FAM90A20: variants seen among roughly 807,000 people sequenced by gnomAD.
FAM90A20 encodes protein FAM90A20.
At chr8:7,295,641 A>G in the FAM90A20 span, 1 of 674,026 alleles carries the variant, frequency 1.5e-6, no homozygotes, top group East Asian at 2.8e-5. Flanking sequence ...CTCAAGTGCA[A>G]AAACTGCGGG....
chr8:7,296,429 A>G, the FAM90A20 span: 6 of 723,318 alleles, frequency 8.3e-6, 2 homozygotes, highest in Non-Finnish European at 1.5e-5. Context: ...TGGTCCTTTT[A>G]TCCTCTAGGT....
At chr8:7,297,739 G>A in the FAM90A20 span, 1 of 1,491,938 alleles carries the variant, frequency 6.7e-7, no homozygotes, top group Admixed American at 1.7e-5. Flanking sequence ...GACCTTGCCT[G>A]CCTACTGCCC....
At chr8:7,296,714 A>T in the FAM90A20 span, among the ~76,000 whole-genome samples, 25 of 135,776 alleles carry the variant, frequency 1.8e-4, 2 homozygotes, top group Non-Finnish European at 1.5e-5. Flanking sequence ...GTGTTCATAG[A>T]AGACGTCCCG....
At chr8:7,297,020 A>C in the FAM90A20 span, 6 of 1,443,528 alleles carry the variant, frequency 4.2e-6, 1 homozygote, top group Admixed American at 7.9e-5. Flanking sequence ...TGTTGGCTCC[A>C]TGCTGAGGAA....
chr8:7,295,584 C>T, the FAM90A20 span: 2 of 667,438 alleles, frequency 3.0e-6, 1 homozygote. Flanking sequence ...GGATCGCTGC[C>T]TGTGGCTTCA....
At chr8:7,296,640 G>C in the FAM90A20 span, among the ~76,000 whole-genome samples, 2 of 135,202 alleles carry the variant, frequency 1.5e-5, no homozygotes, top group South Asian at 2.2e-4. Flanking sequence ...GTTCCTAGCG[G>C]CATGAGGAAA....
the FAM90A20 span, among the ~76,000 whole-genome samples, chr8:7,296,555 G>C: frequency 7.6e-4 from 103 of 135,748 alleles, 34 homozygotes; most frequent in African/African-American, 3.5e-3. Context: ...TTTGATTCCA[G>C]GCGAAGTCAT....
the FAM90A20 span, chr8:7,296,174 C>T: frequency 3.1e-6 from 2 of 644,618 alleles, no homozygotes; most frequent in Non-Finnish European, 2.8e-6. Context: ...GGAAAGGGCA[C>T]CAGATTTCCA....
chr8:7,295,629 A>C, the FAM90A20 span: 2 of 655,452 alleles, frequency 3.1e-6, no homozygotes, highest in South Asian at 2.9e-5. Flanking sequence ...TTCCACCCAC[A>C]GCTCAAGTGC....
the FAM90A20 span, chr8:7,297,072 G>A: frequency 9.3e-6 from 14 of 1,505,024 alleles, 2 homozygotes; most frequent in Non-Finnish European, 1.2e-5. Flanking sequence ...GTTGCAAGGG[G>A]GCCAATGCCG....
the FAM90A20 span, chr8:7,297,041 G>A: frequency 4.1e-6 from 6 of 1,476,042 alleles, no homozygotes; most frequent in African/African-American, 9.9e-5. Context: ...CTTCTAACCT[G>A]TGTTGTTTCC....
At chr8:7,295,695 G>A in the FAM90A20 span, 3 of 721,880 alleles carry the variant, frequency 4.2e-6, 1 homozygote, top group Middle Eastern at 3.7e-4. Flanking sequence ...CCCATGAAGT[G>A]CTGGAAGGCA....
At chr8:7,295,648 CG>C in the FAM90A20 span, 2 of 685,364 alleles carry the variant, frequency 2.9e-6, 1 homozygote, top group Non-Finnish European at 5.1e-6. Context: ...GCAAAAACTG[CG>C]GGGCCTTTGG....
the FAM90A20 span, chr8:7,297,902 G>C: frequency 1.4e-6 from 1 of 738,934 alleles, no homozygotes; most frequent in Non-Finnish European, 2.3e-6. Context: ...AGCCTTCCTC[G>C]CTCAGAGCCC....
the FAM90A20 span, chr8:7,296,514 G>T: frequency 4.7e-6 from 3 of 639,340 alleles, no homozygotes; most frequent in South Asian, 1.5e-5. Context: ...GTCTTCTTGG[G>T]GTCAGGGCCT....
chr8:7,297,529 T>A, the FAM90A20 span: 5 of 1,513,774 alleles, frequency 3.3e-6, 1 homozygote, highest in Non-Finnish European at 4.5e-6. Flanking sequence ...CGATTCAGGC[T>A]TGCCTGAACT....
the FAM90A20 span, chr8:7,297,461 T>G: frequency 6.5e-7 from 1 of 1,549,746 alleles, no homozygotes; most frequent in East Asian, 2.2e-5. Flanking sequence ...CACACACAGC[T>G]TGGGCCTAGG....
chr8:7,297,689 G>C, the FAM90A20 span: 1 of 1,406,120 alleles, frequency 7.1e-7, no homozygotes, highest in Non-Finnish European at 9.7e-7. Context: ...GAGGACACCG[G>C]CCCAGGTGCC....
the FAM90A20 span, among the ~76,000 whole-genome samples, chr8:7,296,695 A>T: frequency 1.5e-5 from 2 of 135,704 alleles, 1 homozygote; most frequent in Admixed American, 1.4e-4. Context: ...TAAACCCAGG[A>T]ACATGCATGT....
Sources: allele counts gnomAD v4.1 joint callset (sites outside exome capture counted in the v4.1 genomes callset), GRCh38; gene constraint gnomAD v4.1.1; transcripts MANE v1.5; gene names NCBI Gene and HGNC (gene_info 2026-07-23, HGNC 2026-07-21).